CSMD1: variants seen among roughly 807,000 people sequenced by gnomAD.
CSMD1 encodes CUB and sushi domain-containing protein 1.
A neutral mutation model predicts 417.5 loss-of-function variants in CSMD1; 213 were observed. That is an observed-to-expected ratio of 0.51 (90% CI 0.46 to 0.57). The LOEUF is 0.57. Ranked by LOEUF, CSMD1 falls within the 20% of genes least tolerant of loss-of-function variation. The pLI, the probability that CSMD1 is intolerant of heterozygous loss-of-function variation, is 0.00. For synonymous variants in CSMD1, 2,862 were observed against 1,736.8 expected, an observed-to-expected ratio of 1.65 and a Z score of -16.11; for missense variants, 6,923 against 4,529.7, an observed-to-expected ratio of 1.53 and a Z score of -15.17.
chr8:4,521,395 A>G (rs1217688800), intron 2 of CSMD1, among the ~76,000 whole-genome samples: 1 of 152,066 alleles, frequency 6.6e-6, no homozygotes, highest in East Asian at 1.9e-4. Flanking sequence ...ACAAAACAAA[A>G]CATCGATAAT....
chr8:4,953,411 G>A (rs1016455667), intron 1 of CSMD1, among the ~76,000 whole-genome samples: 6 of 151,982 alleles, frequency 3.9e-5, no homozygotes, highest in African/African-American at 7.2e-5. Context: ...CAATATGAAG[G>A]ACAAATAAAA....
chr8:4,221,621 A>G (rs1309793219), intron 3 of CSMD1, among the ~76,000 whole-genome samples: 1 of 152,146 alleles, frequency 6.6e-6, no homozygotes, highest in East Asian at 1.9e-4. Flanking sequence ...AGAATAGTGA[A>G]TAAGACAATT....
At chr8:3,988,173 A>G (rs1312512360) in intron 5 of CSMD1, among the ~76,000 whole-genome samples, 2 of 152,124 alleles carry the variant, frequency 1.3e-5, no homozygotes, top group Non-Finnish European at 2.9e-5. Flanking sequence ...AAACTAAATC[A>G]GAGTCTCTAA....
chr8:3,689,966 G>T (rs1800150989), intron 7 of CSMD1, among the ~76,000 whole-genome samples: 2 of 152,240 alleles, frequency 1.3e-5, no homozygotes, highest in Non-Finnish European at 2.9e-5. Flanking sequence ...AGTGTCACCA[G>T]TAAGTACTGA....
intron 50 of CSMD1, among the ~76,000 whole-genome samples, chr8:3,050,522 T>C (rs1045509362): frequency 1.3e-5 from 2 of 152,206 alleles, no homozygotes; most frequent in Non-Finnish European, 2.9e-5. Flanking sequence ...CATATTGCCA[T>C]CTGTTAAGTT....
chr8:4,770,271 T>A (rs897878900), intron 1 of CSMD1, among the ~76,000 whole-genome samples: 5 of 148,250 alleles, frequency 3.4e-5, no homozygotes, highest in African/African-American at 7.3e-5. Flanking sequence ...ATAAAATTTG[T>A]AAATATATAT....
intron 30 of CSMD1, among the ~76,000 whole-genome samples, chr8:3,206,496 G>GT (rs1797284976): frequency 7.1e-6 from 1 of 141,470 alleles, no homozygotes; most frequent in Non-Finnish European, 1.5e-5. Context: ...GTGTGTGTGG[G>GT]TGTATGTGTG....
intron 1 of CSMD1, among the ~76,000 whole-genome samples, chr8:4,927,476 G>T (rs1305520648): frequency 6.6e-6 from 1 of 152,166 alleles, no homozygotes; most frequent in East Asian, 1.9e-4. Context: ...TGGGGCTCAA[G>T]TCTTTGCTTT....
At chr8:4,511,365 C>T (rs1802810683) in intron 2 of CSMD1, among the ~76,000 whole-genome samples, 1 of 152,210 alleles carries the variant, frequency 6.6e-6, no homozygotes, top group Non-Finnish European at 1.5e-5. Flanking sequence ...CAGGCTTCTC[C>T]TTCGCAGGAG....
intron 1 of CSMD1, among the ~76,000 whole-genome samples, chr8:4,888,172 G>A (rs1244619104): frequency 6.6e-6 from 1 of 150,930 alleles, no homozygotes; most frequent in Non-Finnish European, 1.5e-5. Context: ...TTGATACATT[G>A]GTACATCCAT....
chr8:4,045,372 C>A (rs528754309), intron 3 of CSMD1, among the ~76,000 whole-genome samples: 135 of 152,294 alleles, frequency 8.9e-4, no homozygotes, highest in African/African-American at 1.9e-3. Context: ...TTCAAGGACA[C>A]TGTCATTTAA....
At chr8:3,619,183 G>T (rs1348885230) in intron 7 of CSMD1, among the ~76,000 whole-genome samples, 1 of 152,022 alleles carries the variant, frequency 6.6e-6, no homozygotes, top group Non-Finnish European at 1.5e-5. Flanking sequence ...AAAAGCAGCT[G>T]GGGAAAAAAA....
intron 1 of CSMD1, among the ~76,000 whole-genome samples, chr8:4,761,538 C>T (rs1050546553): frequency 6.6e-6 from 1 of 152,038 alleles, no homozygotes; most frequent in Non-Finnish European, 1.5e-5. Flanking sequence ...TGTACTTGGG[C>T]AGCTCTGACT....
intron 3 of CSMD1, among the ~76,000 whole-genome samples, chr8:4,266,121 T>C (rs1394484): frequency 0.19 from 19,415 of 103,484 alleles, 6,212 homozygotes; most frequent in South Asian, 0.34. Context: ...CATTTGGAAC[T>C]GACTTAAAAC....
chr8:4,530,791 A>T (rs1796774786), intron 2 of CSMD1, among the ~76,000 whole-genome samples: 1 of 151,576 alleles, frequency 6.6e-6, no homozygotes, highest in South Asian at 2.1e-4. Context: ...TTGACCCAGC[A>T]ATCCCATAGC....
intron 18 of CSMD1, among the ~76,000 whole-genome samples, chr8:3,381,150 C>T (rs929769249): frequency 4.6e-5 from 7 of 151,986 alleles, no homozygotes; most frequent in South Asian, 4.1e-4. Context: ...TGCGTTCACC[C>T]ATCACCTTAC....
At chr8:2,989,019 T>C (rs1806161078) in intron 54 of CSMD1, among the ~76,000 whole-genome samples, 1 of 152,168 alleles carries the variant, frequency 6.6e-6, no homozygotes, top group Admixed American at 6.5e-5. Context: ...GTCCTCCAGA[T>C]TACACACTTG....
chr8:4,033,919 A>T (rs913501522), intron 3 of CSMD1, among the ~76,000 whole-genome samples: 1 of 152,206 alleles, frequency 6.6e-6, no homozygotes, highest in Admixed American at 6.5e-5. Context: ...TCCATATCTA[A>T]GGTTTAAATT....
intron 12 of CSMD1, among the ~76,000 whole-genome samples, chr8:3,425,227 G>C (rs1179275286): frequency 6.6e-6 from 1 of 152,180 alleles, no homozygotes; most frequent in Admixed American, 6.5e-5. Context: ...ATATGGCTTG[G>C]TTTCAGGCAT....
Sources: gnomAD v4.1 joint callset for allele counts (sites outside exome capture counted in the v4.1 genomes callset) on GRCh38, gnomAD v4.1.1 for gene constraint, MANE v1.5 for transcripts, NCBI Gene and HGNC (gene_info 2026-07-23, HGNC 2026-07-21) for gene names.